SLIT2: variants seen among roughly 807,000 people sequenced by gnomAD.
SLIT2 encodes slit homolog 2 protein.
SLIT2 carries 41 observed loss-of-function variants against 185.7 expected under a neutral mutation model. The ratio of observed to expected loss-of-function variants is 0.22; its 90% CI spans 0.17 to 0.29. The LOEUF is 0.29. Among genes scored for constraint, SLIT2 ranks in the 10% least tolerant of loss-of-function variants. The pLI is 1.00. For synonymous variants in SLIT2, 693 were observed against 680.2 expected (o/e 1.02, Z -0.29); for missense variants, 1,571 against 1,909.0 (o/e 0.82, Z 3.30).
At chr4:20,362,187 C>T (rs995919520) in intron 4 of SLIT2, among the ~76,000 whole-genome samples, 1 of 152,124 alleles carries the variant, frequency 6.6e-6, no homozygotes, top group African/African-American at 2.4e-5. Context: ...ACAAAGGACA[C>T]ACTGATTTCT....
chr4:20,356,244 G>T (rs543226263), intron 4 of SLIT2, among the ~76,000 whole-genome samples: 1 of 152,242 alleles, frequency 6.6e-6, no homozygotes, highest in South Asian at 2.1e-4. Context: ...TTTGAGGCTA[G>T]GTGATTCTAT....
chr4:20,596,245 T>A (rs1434045916), intron 31 of SLIT2, among the ~76,000 whole-genome samples, 170 bp from the exon 32 acceptor site: 13 of 152,202 alleles, frequency 8.5e-5, no homozygotes. Flanking sequence ...GTTTGGAATA[T>A]CTGTTGTACA....
At chr4:20,423,629 A>G (rs1013573067) in intron 4 of SLIT2, among the ~76,000 whole-genome samples, 2 of 152,122 alleles carry the variant, frequency 1.3e-5, no homozygotes, top group African/African-American at 2.4e-5. Context: ...ACAATTTCAC[A>G]TGGGACCTTT....
intron 4 of SLIT2, among the ~76,000 whole-genome samples, chr4:20,375,952 G>T (rs1460411656): frequency 6.6e-6 from 1 of 151,780 alleles, no homozygotes; most frequent in Non-Finnish European, 1.5e-5. Context: ...GTGCATTATA[G>T]ATACCAAATT....
chr4:20,520,182 T>C (rs368602854), intron 12 of SLIT2, among the ~76,000 whole-genome samples: 9 of 152,238 alleles, frequency 5.9e-5, no homozygotes, highest in African/African-American at 1.9e-4. Context: ...AGACTAAACC[T>C]TTAGAGAGAT....
At chr4:20,357,450 A>T (rs1038067659) in intron 4 of SLIT2, among the ~76,000 whole-genome samples, 1 of 152,152 alleles carries the variant, frequency 6.6e-6, no homozygotes, top group Admixed American at 6.5e-5. Flanking sequence ...CAAATTAGAG[A>T]TATGCTATTT....
chr4:20,412,236 T>C (rs996252638), intron 4 of SLIT2, among the ~76,000 whole-genome samples: 5 of 152,180 alleles, frequency 3.3e-5, no homozygotes, highest in African/African-American at 1.2e-4. Context: ...GTTCTTGATT[T>C]TTCAATGTTT....
intron 9 of SLIT2, among the ~76,000 whole-genome samples, chr4:20,493,057 A>G (rs1049002616): frequency 2.0e-5 from 3 of 152,224 alleles, no homozygotes; most frequent in African/African-American, 7.2e-5. Flanking sequence ...CCTCTAGAAG[A>G]CATCTTTTAG....
At chr4:20,580,591 A>G (rs1351061337) in intron 29 of SLIT2, among the ~76,000 whole-genome samples, 3 of 152,146 alleles carry the variant, frequency 2.0e-5, no homozygotes, top group Non-Finnish European at 4.4e-5. Flanking sequence ...AAGACCTTGA[A>G]GAGGAGAATT....
At chr4:20,520,185 A>C (rs532649492) in intron 12 of SLIT2, among the ~76,000 whole-genome samples, 1 of 152,188 alleles carries the variant, frequency 6.6e-6, no homozygotes, top group Non-Finnish European at 1.5e-5. Flanking sequence ...CTAAACCTTT[A>C]GAGAGATAAT....
chr4:20,541,410 A>C, intron 19 of SLIT2, 43 bp from the exon 20 acceptor site: 1 of 1,586,832 alleles, frequency 6.3e-7, no homozygotes, highest in South Asian at 1.1e-5. Flanking sequence ...GAAGAAGATG[A>C]AACCCCAGGC....
chr4:20,360,183 C>T (rs560387239), intron 4 of SLIT2, among the ~76,000 whole-genome samples: 8 of 152,242 alleles, frequency 5.3e-5, no homozygotes, highest in African/African-American at 1.9e-4. Context: ...TTAAGTCATT[C>T]CATTAACCAA....
intron 4 of SLIT2, among the ~76,000 whole-genome samples, chr4:20,379,234 T>C (rs1397005571): frequency 2.0e-5 from 3 of 152,138 alleles, no homozygotes. Flanking sequence ...GGGATATTGA[T>C]GGCATAAGAA....
chr4:20,553,384 G>C (rs1723951200), intron 25 of SLIT2, among the ~76,000 whole-genome samples: 1 of 152,138 alleles, frequency 6.6e-6, no homozygotes, highest in African/African-American at 2.4e-5. Context: ...CTCTGCAGCA[G>C]GGGTTCTTTG....
Position 20,546,011 on chromosome 4 carries a change from T to C in SLIT2, c.2277-20T>C, listed in dbSNP as rs1182304102. 7.1e-7 allele frequency: 1 copy of C among 1,400,636 alleles called. No homozygotes were observed. The highest frequency in any genetic ancestry group is 1.2e-5 in the South Asian group (1 of 80,776). The allele number at this position is 1,400,636 out of a possible 1,614,324, so 86.8% of individuals were successfully genotyped here. ...CCACCATTACTTTGTAAGAAGATAATATTGTTCCATTGTTTTTAGGTATCT... is the reference window on the plus strand; with the variant it reads ...CCACCATTACTTTGTAAGAAGATAACATTGTTCCATTGTTTTTAGGTATCT... On this transcript the variant is annotated intron_variant, in intron 21 of 36. Coordinates refer to ENST00000504154, the MANE Select transcript of SLIT2 (RefSeq NM_004787.4).
chr4:20,258,612 C>T (rs1712110276), intron 3 of SLIT2, among the ~76,000 whole-genome samples: 1 of 151,710 alleles, frequency 6.6e-6, no homozygotes, highest in African/African-American at 2.4e-5. Flanking sequence ...ACGTTTTTTA[C>T]ATATTACTTG....
chr4:20,365,105 A>C (rs886761842), intron 4 of SLIT2, among the ~76,000 whole-genome samples: 1 of 152,146 alleles, frequency 6.6e-6, no homozygotes, highest in African/African-American at 2.4e-5. Flanking sequence ...TCGTTCTGCA[A>C]GTATTTCAAA....
In SLIT2 at chr4:20,618,914, C is replaced by T. The variant is rs767373337; in HGVS notation, c.4495C>T (p.Arg1499Trp). 45 of 1,613,916 alleles carry T rather than the reference C, an allele frequency of 2.8e-5. No homozygotes were observed. The highest frequency in any genetic ancestry group is 3.5e-5 in the Non-Finnish European group (41 of 1,180,018). Reference sequence around the variant, plus strand: ...GTGCTGTGGACCGCTGAGGAGCAAGCGGCGGAAATACTCTTTCGAATGCAC... The same window carrying T: ...GTGCTGTGGACCGCTGAGGAGCAAGTGGCGGAAATACTCTTTCGAATGCAC... ...GQCCGPLRSKRRKYSFECTDG... is the reference protein window; with the variant it reads ...GQCCGPLRSKWRKYSFECTDG... Residue 1499 changes from arginine to tryptophan, a missense_variant, in exon 37 of 37, where the codon CGG becomes TGG. Transcript: ENST00000504154.
At chr4:20,259,775 G>T (rs1712242743) in intron 3 of SLIT2, among the ~76,000 whole-genome samples, 1 of 151,744 alleles carries the variant, frequency 6.6e-6, no homozygotes, top group Non-Finnish European at 1.5e-5. Flanking sequence ...GTTTCAGAGT[G>T]GGAGGAGGAT....
Sources: gnomAD v4.1 joint callset for allele counts (sites outside exome capture counted in the v4.1 genomes callset) on GRCh38, gnomAD v4.1.1 for gene constraint, MANE v1.5 for transcripts, NCBI Gene and HGNC (gene_info 2026-07-23, HGNC 2026-07-21) for gene names.